Variants in GABRB1 observed in about 807,000 individuals in gnomAD.
GABRB1 encodes the protein gamma-aminobutyric acid receptor subunit beta-1.
Under a neutral mutation model 51.6 loss-of-function variants are expected in GABRB1, and 17 were observed. The observed-to-expected ratio is 0.33, with a 90% CI of 0.23 to 0.49. GABRB1 has a LOEUF of 0.49. GABRB1 is among the 20% of genes least tolerant of loss of function. The probability of loss-of-function intolerance (pLI) is 0.99; values close to 1 mark genes in which losing one functional copy is unlikely to be tolerated. For synonymous variants in GABRB1, 247 were observed against 218.9 expected, an observed-to-expected ratio of 1.13 and a Z score of -1.14; for missense variants, 410 against 600.6, an observed-to-expected ratio of 0.68 and a Z score of 3.32.
chr4:47,014,864 G>C (rs893636596), intron 1 of GABRB1, among the ~76,000 whole-genome samples: 2 of 151,736 alleles, frequency 1.3e-5, no homozygotes, highest in African/African-American at 4.8e-5. Context: ...ATAAGATGAA[G>C]TTTGGGAAAC....
intron 4 of GABRB1, among the ~76,000 whole-genome samples, chr4:47,213,679 T>C (rs928857261): frequency 3.3e-5 from 5 of 152,164 alleles, no homozygotes; most frequent in African/African-American, 1.2e-4. Flanking sequence ...GGAGAACATT[T>C]ATCAGCTGAC....
At chr4:47,302,259 G>C (rs1362772529) in intron 4 of GABRB1, among the ~76,000 whole-genome samples, 1 of 151,966 alleles carries the variant, frequency 6.6e-6, no homozygotes, top group Non-Finnish European at 1.5e-5. Context: ...ATTTCTAGTT[G>C]CTGTATTAAA....
intron 5 of GABRB1, among the ~76,000 whole-genome samples, chr4:47,378,631 T>G (rs1049746699): frequency 2.0e-5 from 3 of 152,146 alleles, no homozygotes; most frequent in African/African-American, 7.2e-5. Context: ...ACTACAGGCA[T>G]GCACCACCAC....
At chr4:47,123,362 T>A (rs1488973973) in intron 3 of GABRB1, among the ~76,000 whole-genome samples, 6 of 130,914 alleles carry the variant, frequency 4.6e-5, no homozygotes, top group African/African-American at 1.7e-4. Flanking sequence ...AGATAATATA[T>A]TATACTTTAG....
chr4:47,294,552 G>T (rs958294469), intron 4 of GABRB1, among the ~76,000 whole-genome samples: 1 of 152,270 alleles, frequency 6.6e-6, no homozygotes, highest in African/African-American at 2.4e-5. Flanking sequence ...GAGGCTGGGG[G>T]AGGGGCGCCC....
At chr4:47,118,758 A>G (rs557603305) in intron 3 of GABRB1, among the ~76,000 whole-genome samples, 1 of 152,200 alleles carries the variant, frequency 6.6e-6, no homozygotes, top group South Asian at 2.1e-4. Context: ...ATCTCTCAAT[A>G]CCTCCAGAAA....
At chr4:47,332,633 G>A (rs1725527097) in intron 5 of GABRB1, among the ~76,000 whole-genome samples, 1 of 152,110 alleles carries the variant, frequency 6.6e-6, no homozygotes, top group African/African-American at 2.4e-5. Context: ...TTTGTGGAAG[G>A]TGGGTCCTAG....
At chr4:47,112,409 A>G (rs1016333217) in intron 3 of GABRB1, among the ~76,000 whole-genome samples, 1 of 152,168 alleles carries the variant, frequency 6.6e-6, no homozygotes, top group Non-Finnish European at 1.5e-5. Flanking sequence ...CAGCCTAAAA[A>G]GTAGTATTCT....
At chr4:47,032,926 T>A in intron 3 of GABRB1, 1 of 359,194 alleles carries the variant, frequency 2.8e-6, no homozygotes. Context: ...CGAGCCCGGA[T>A]GCACCAAGGC....
At chr4:47,253,710 T>C (rs1057126326) in intron 4 of GABRB1, among the ~76,000 whole-genome samples, 1 of 152,210 alleles carries the variant, frequency 6.6e-6, no homozygotes, top group African/African-American at 2.4e-5. Flanking sequence ...ATAAAACATA[T>C]ACAAATGATT....
At chr4:47,287,210 C>T (rs1349513185) in intron 4 of GABRB1, among the ~76,000 whole-genome samples, 6 of 152,182 alleles carry the variant, frequency 3.9e-5, no homozygotes, top group Admixed American at 6.5e-5. Context: ...AGGTTGCACC[C>T]TATCATAAAT....
intron 5 of GABRB1, among the ~76,000 whole-genome samples, chr4:47,352,404 G>A (rs369436140): frequency 2.2e-4 from 34 of 152,210 alleles, no homozygotes; most frequent in Admixed American, 6.5e-4. Flanking sequence ...GAATCCTCCC[G>A]AACTCATTTT....
intron 5 of GABRB1, among the ~76,000 whole-genome samples, chr4:47,385,597 C>A (rs1727765616): frequency 6.6e-6 from 1 of 152,162 alleles, no homozygotes; most frequent in Non-Finnish European, 1.5e-5. Context: ...TTGGGTTTGC[C>A]TCACACCAAC....
At chr4:47,275,552 A>C (rs1245461768) in intron 4 of GABRB1, among the ~76,000 whole-genome samples, 1 of 152,180 alleles carries the variant, frequency 6.6e-6, no homozygotes, top group African/African-American at 2.4e-5. Context: ...CAGCATAAGG[A>C]ATCAAAGAGT....
intron 5 of GABRB1, among the ~76,000 whole-genome samples, chr4:47,369,697 C>G (rs1644532598): frequency 6.6e-6 from 1 of 152,134 alleles, no homozygotes; most frequent in Non-Finnish European, 1.5e-5. Flanking sequence ...AAGCCAATTT[C>G]CAAATTTCCT....
chr4:47,159,362 G>A (rs923543116), intron 3 of GABRB1, among the ~76,000 whole-genome samples: 3 of 152,078 alleles, frequency 2.0e-5, no homozygotes, highest in African/African-American at 7.2e-5. Context: ...AGGCTTACAT[G>A]TGGTAGAGCT....
chr4:47,343,309 G>C (rs1195994046), intron 5 of GABRB1, among the ~76,000 whole-genome samples: 1 of 152,100 alleles, frequency 6.6e-6, no homozygotes, highest in Non-Finnish European at 1.5e-5. Context: ...ACTTTGGTTG[G>C]GGGAGGTACA....
chr4:47,302,104 A>G (rs1264197283), intron 4 of GABRB1, among the ~76,000 whole-genome samples: 1 of 152,306 alleles, frequency 6.6e-6, no homozygotes, highest in East Asian at 1.9e-4. Context: ...AACATAGCAC[A>G]AGATTCATGG....
In GABRB1 at chr4:47,031,684, G is replaced by C. The variant is rs557614816; in HGVS notation, c.33G>C (p.Gly11=). The part of the protein sequence containing the change: MWTVQNRESL[G]LLSFPVMITM... ...CAGTACAAAATCGAGAGAGTCTGGG[G>C]CTTCTCTCTTTCCCTGTGATGATTA... The change falls in exon 1 of 9, where the codon GGG becomes GGC. Residue 11 remains glycine, a synonymous_variant. Transcript: ENST00000295454. 6 of 1,613,938 alleles carry C rather than the reference G, an allele frequency of 3.7e-6. No individual in the cohort carries two copies. The Admixed American group carries it at 5.0e-5, about 13-fold the overall frequency.
Sources: allele counts gnomAD v4.1 joint callset (sites outside exome capture counted in the v4.1 genomes callset), GRCh38; gene constraint gnomAD v4.1.1; transcripts MANE v1.5; gene names NCBI Gene and HGNC (gene_info 2026-07-23, HGNC 2026-07-21).